ZNF83: variants seen among roughly 807,000 people sequenced by gnomAD.
The protein encoded by ZNF83 is zinc finger protein 83, also known as zinc finger protein 816B.
For synonymous variants in ZNF83, 209 were observed against 213.0 expected (o/e 0.98, Z 0.17); for missense variants, 552 against 629.9 (o/e 0.88, Z 1.32).
chr19:52,657,877 C>T (rs2061527361), intron 2 of ZNF83, among the ~76,000 whole-genome samples: 1 of 150,602 alleles, frequency 6.6e-6, no homozygotes. Context: ...TGGCTCATGA[C>T]TGTAATCCTA....
chr19:52,613,081 CG>C, exon 3 of ZNF83: 1 of 1,613,256 alleles, frequency 6.2e-7, no homozygotes, highest in Non-Finnish European at 8.5e-7. Context: ...TGAATTGTCG[CG>C]GAAGAGTTTG....
chr19:52,628,726 G>C (rs1232885564), intron 2 of ZNF83, among the ~76,000 whole-genome samples: 1 of 151,764 alleles, frequency 6.6e-6, no homozygotes, highest in African/African-American at 2.4e-5. Context: ...CGCCTTTCTG[G>C]GGGGCAAGAA....
At chr19:52,639,373 A>G (rs1005515351), upstream of ZNF83, among the ~76,000 whole-genome samples, 2 of 145,610 alleles carry the variant, frequency 1.4e-5, no homozygotes, top group Admixed American at 1.4e-4. Flanking sequence ...GGTGTGAGCC[A>G]CCGCGCCCGG....
rs2061078244 is a variant in ZNF83, at chr19:52,634,445, A to C, written c.-234+621T>G. Among the ~76,000 whole-genome samples the C allele has an allele frequency of 2.0e-5, 3 of 152,204 alleles. No homozygotes were observed. The South Asian group carries it at 6.2e-4, about 31-fold the overall frequency. ...CAATCTCCACGAGCTTAATGTGCTA[A>C]GAATGGTTTAAAGAATCTCCTGCTA... On this transcript the variant is annotated intron_variant, in intron 2 of 2. Transcript: ENST00000301096.
chr19:52,689,498 A>T (rs977176515), intron 1 of ZNF83, among the ~76,000 whole-genome samples: 1 of 151,974 alleles, frequency 6.6e-6, no homozygotes, highest in African/African-American at 2.4e-5. Flanking sequence ...CCCTGGCTCC[A>T]AATCCCTCCT....
At chr19:52,614,244 A>T (rs753606976) in exon 3 of ZNF83, 4 of 1,614,114 alleles carry the variant, frequency 2.5e-6, no homozygotes, top group Non-Finnish European at 1.7e-6. Flanking sequence ...GTATAGTAAA[A>T]TGTAAGCCTT....
At position 52,687,614 on chromosome 19, in the gene ZNF83, G is replaced by GTATATATATATATAA. The variant is rs1437771631; in HGVS notation, c.-283+2828_-283+2829insTTATATATATATATA. 4.3e-4 allele frequency among the ~76,000 whole-genome samples: 5 copies of GTATATATATATATAA among 11,626 alleles called. 2 individuals are homozygous for GTATATATATATATAA. The African/African-American group carries it at 5.2e-3, about 12-fold the overall frequency. The allele number at this position is 11,626 out of a possible 152,430, so 7.6% of individuals were successfully genotyped here. On this transcript the variant is annotated intron_variant, in intron 1 of 5. Coordinates refer to the ZNF83 transcript ENST00000594682. ...TATATATAATGTATATATATATAAT[G>GTATATATATATATAA]TGTATATATATATATAATGTATATA...
At chr19:52,628,975 C>A (rs2060848654) in intron 2 of ZNF83, among the ~76,000 whole-genome samples, 1 of 151,944 alleles carries the variant, frequency 6.6e-6, no homozygotes, top group East Asian at 1.9e-4. Context: ...AACCCCCAAA[C>A]CCCTTCCCTC....
chr19:52,625,615 A>T (rs531941321), intron 2 of ZNF83, among the ~76,000 whole-genome samples: 10 of 152,340 alleles, frequency 6.6e-5, no homozygotes, highest in Admixed American at 4.6e-4. Context: ...CAGACAAGAC[A>T]TCTATCAATA....
At chr19:52,684,750 A>G (rs1442627571) in intron 1 of ZNF83, among the ~76,000 whole-genome samples, 1 of 152,096 alleles carries the variant, frequency 6.6e-6, no homozygotes, top group East Asian at 1.9e-4. Context: ...ACATAGGGTA[A>G]GAGCAGGGAC....
intron 1 of ZNF83, among the ~76,000 whole-genome samples, chr19:52,689,958 C>G (rs1489468575): frequency 6.6e-6 from 1 of 152,084 alleles, no homozygotes; most frequent in Admixed American, 6.5e-5. Flanking sequence ...CAGCAGGGCC[C>G]GGCACGAGGA....
chr19:52,650,492 G>A (rs913999369), intron 3 of ZNF83: 1 of 152,140 alleles, frequency 6.6e-6, no homozygotes, highest in Non-Finnish European at 1.5e-5. Context: ...CTCGACCTCA[G>A]GTGATCCGCC....
chr19:52,626,787 C>T (rs1355922236), intron 2 of ZNF83, among the ~76,000 whole-genome samples: 1 of 152,134 alleles, frequency 6.6e-6, no homozygotes, highest in Non-Finnish European at 1.5e-5. Context: ...CGAAGCAACC[C>T]TGAGAAACAT....
intron 2 of ZNF83, among the ~76,000 whole-genome samples, chr19:52,623,201 T>G (rs1191412358): frequency 1.3e-5 from 2 of 152,170 alleles, no homozygotes; most frequent in Non-Finnish European, 2.9e-5. Flanking sequence ...CCAGATCTGC[T>G]CGGCTTAGCA....
intron 1 of ZNF83, among the ~76,000 whole-genome samples, chr19:52,671,042 A>G (rs1022372222): frequency 6.6e-6 from 1 of 152,244 alleles, no homozygotes; most frequent in Non-Finnish European, 1.5e-5. Flanking sequence ...GGTAGGGCCT[A>G]GAAGAAAAAG....
At chr19:52,646,608 GA>G (rs1308644085) in intron 3 of ZNF83, among the ~76,000 whole-genome samples, 1 of 152,078 alleles carries the variant, frequency 6.6e-6, no homozygotes, top group East Asian at 1.9e-4. Context: ...AATTAAAGAA[GA>G]AAGCAAATTT....
chr19:52,613,951 T>TAAG (rs2060209145), exon 3 of ZNF83: 1 of 1,613,544 alleles, frequency 6.2e-7, no homozygotes, highest in Admixed American at 1.7e-5. Context: ...ATTACATTTA[T>TAAG]AAGGTTTCTC....
chr19:52,634,027 T>C (rs409898), intron 2 of ZNF83, among the ~76,000 whole-genome samples: 2,339 of 151,344 alleles, frequency 0.015, 52 homozygotes, highest in Middle Eastern at 0.046. Flanking sequence ...CACAGCACTA[T>C]AGGAGGCTGA....
chr19:52,670,365 G>A (rs1256902007), intron 1 of ZNF83, among the ~76,000 whole-genome samples: 1 of 152,184 alleles, frequency 6.6e-6, no homozygotes. Flanking sequence ...ATAGGGGAAT[G>A]ACACAGCAGC....
Sources: gnomAD v4.1 joint callset for allele counts (sites outside exome capture counted in the v4.1 genomes callset) on GRCh38, gnomAD v4.1.1 for gene constraint, MANE v1.5 for transcripts, NCBI Gene and HGNC (gene_info 2026-07-23, HGNC 2026-07-21) for gene names.